The following TRIM16 variants were observed in gnomAD, a reference collection of about 807,000 sequenced individuals.
The protein encoded by TRIM16 is tripartite motif-containing protein 16.
A neutral mutation model predicts 50.4 loss-of-function variants in TRIM16; 33 were observed. The ratio of observed to expected loss-of-function variants is 0.65; its 90% CI spans 0.50 to 0.88. TRIM16 has a LOEUF of 0.88. Ranked by LOEUF, TRIM16 falls within the 40% of genes least tolerant of loss-of-function variation. TRIM16 has a pLI of 0.00. For synonymous variants in TRIM16, 229 were observed against 270.7 expected, an observed-to-expected ratio of 0.85 and a Z score of 1.51; for missense variants, 581 against 686.8, an observed-to-expected ratio of 0.85 and a Z score of 1.72.
chr17:15,637,100 C>T (rs1374088639), intron 8 of TRIM16, among the ~76,000 whole-genome samples: 2 of 141,836 alleles, frequency 1.4e-5, no homozygotes, highest in Non-Finnish European at 3.1e-5. Flanking sequence ...GCAGCCACCC[C>T]GTCCGGGAGG....
At chr17:15,648,286 G>A (rs1199213953) in intron 7 of TRIM16, among the ~76,000 whole-genome samples, 2 of 151,754 alleles carry the variant, frequency 1.3e-5, no homozygotes, top group Non-Finnish European at 2.9e-5. Flanking sequence ...AAGGGGCCTG[G>A]AGATGCTGGT....
At position 15,636,427 on chromosome 17, in the gene TRIM16, G is replaced by C. The variant is rs1453747464; in HGVS notation, c.616-158C>G. 1.3e-5 allele frequency among the ~76,000 whole-genome samples: 2 copies of C among 149,892 alleles called. 1 individual carries two copies. Among genetic ancestry groups the C allele is most frequent in the African/African-American group, 5.0e-5 (2 of 40,278 alleles). On this transcript the variant is annotated intron_variant, in intron 8 of 11. Coordinates refer to ENST00000649191, the MANE Select transcript of TRIM16 (RefSeq NM_001348119.1). ...ATCCTTTATTCTCATGTGAATTCCA[G>C]GTTCCTGGAAAAAGGATTTACGTAT...
At chr17:15,642,418 C>T (rs1987155659) in intron 8 of TRIM16, among the ~76,000 whole-genome samples, 1 of 148,560 alleles carries the variant, frequency 6.7e-6, no homozygotes, top group Admixed American at 6.7e-5. Flanking sequence ...ACTCCCAGCC[C>T]CCCACACACA....
At chr17:15,641,087 T>C (rs1342957330) in intron 8 of TRIM16, among the ~76,000 whole-genome samples, 1 of 148,286 alleles carries the variant, frequency 6.7e-6, no homozygotes, top group Non-Finnish European at 1.5e-5. Flanking sequence ...GAAAGGATAG[T>C]GGAAGGGAGG....
chr17:15,678,092 G>A (rs147829982), intron 4 of TRIM16, among the ~76,000 whole-genome samples: 1,625 of 152,018 alleles, frequency 0.011, 29 homozygotes, highest in African/African-American at 0.037. Flanking sequence ...GGTGGTGGGC[G>A]CCTGTAGTCC....
At chr17:15,674,653 G>A (rs1439282238) in intron 6 of TRIM16, among the ~76,000 whole-genome samples, 1 of 152,084 alleles carries the variant, frequency 6.6e-6, no homozygotes, top group Non-Finnish European at 1.5e-5. Context: ...CCATTCCCTA[G>A]CTACTTTAAA....
chr17:15,634,473 T>C (rs908722605), intron 9 of TRIM16, among the ~76,000 whole-genome samples: 12 of 147,604 alleles, frequency 8.1e-5, no homozygotes, highest in Admixed American at 4.0e-4. Context: ...CTACTAAAAA[T>C]ACAAAAAATT....
chr17:15,631,509 G>C lies in TRIM16; in HGVS notation c.1111+110C>G, dbSNP rs1261678356. ...TTAAGAAATGTATCATTTAGAGATA[G>C]ATATGAAGTTGCAAGAACCTGAAAC... On this transcript the variant is annotated intron_variant, in intron 11 of 11. Transcript: ENST00000649191. The C allele has an allele frequency of 1.3e-5, 13 of 963,364 alleles. No homozygotes were observed. In the East Asian group the frequency reaches 3.4e-4, roughly 25 times the overall value. The allele number at this position is 963,364 out of a possible 1,614,324, so 59.7% of individuals were successfully genotyped here. A position where few individuals can be genotyped will look rare whatever the true frequency, so the allele number is the denominator to read the frequency against.
chr17:15,653,337 G>A (rs113866145), intron 6 of TRIM16, among the ~76,000 whole-genome samples: 2,740 of 152,182 alleles, frequency 0.018, 72 homozygotes, highest in African/African-American at 0.062. Context: ...TTCTTTATAC[G>A]TTACCCCCAC....
chr17:15,646,969 CTTTT>C (rs145313229), intron 7 of TRIM16, among the ~76,000 whole-genome samples: 6 of 140,584 alleles, frequency 4.3e-5, no homozygotes, highest in Non-Finnish European at 6.3e-5. Context: ...GAAATAAATT[CTTTT>C]TTTTTTTTTT....
intron 7 of TRIM16, among the ~76,000 whole-genome samples, chr17:15,645,495 C>G (rs116528957): frequency 6.6e-6 from 1 of 151,974 alleles, no homozygotes; most frequent in Non-Finnish European, 1.5e-5. Flanking sequence ...TGTGCCAAGG[C>G]GCACTTAAGC....
chr17:15,672,218 G>A (rs1444126510), intron 6 of TRIM16, among the ~76,000 whole-genome samples: 1 of 151,408 alleles, frequency 6.6e-6, no homozygotes, highest in Non-Finnish European at 1.5e-5. Context: ...AGACACTCAT[G>A]ATTTAAAAAC....
chr17:15,649,887 C>A (rs1313023711), intron 7 of TRIM16, among the ~76,000 whole-genome samples: 1 of 152,180 alleles, frequency 6.6e-6, no homozygotes, highest in Non-Finnish European at 1.5e-5. Context: ...TGGCAATACT[C>A]AGTGAAGGCT....
Position 15,660,790 on chromosome 17 carries a change from T to C in TRIM16, c.-337-8844A>G, listed in dbSNP as rs534937322. ...GCAGGCGCCTGTAGTCCCAGCTACT[T>C]GGGAGGCTGAGGCAGGAGAATGGTG... On this transcript the variant is annotated intron_variant, in intron 6 of 11. Coordinates refer to ENST00000649191, the MANE Select transcript of TRIM16 (RefSeq NM_001348119.1). 3.8e-4 allele frequency among the ~76,000 whole-genome samples: 56 copies of C among 148,244 alleles called. 1 individual carries two copies. The highest frequency in any genetic ancestry group is 3.6e-3 in the Admixed American group (52 of 14,512).
At chr17:15,654,773 CT>C (rs1197941651) in intron 6 of TRIM16, among the ~76,000 whole-genome samples, 8 of 152,182 alleles carry the variant, frequency 5.3e-5, no homozygotes. Context: ...AGATCTCCCC[CT>C]GCCCCATAAA....
At position 15,628,825 on chromosome 17, in the gene TRIM16, G is replaced by A. The variant is rs368962289; in HGVS notation, c.1485C>T (p.Leu495=). The change falls in exon 12 of 12, where the codon CTC becomes CTT. Residue 495 remains leucine, a synonymous_variant. Transcript: ENST00000649191. ...CTCCCGGGAAGTCGATATAGACCCC[G>A]AGCCTCCGGAAAGGGCCAGCTTTGA... ...TPLKAGPFRR[L]GVYIDFPGGI... 168 of 1,614,146 alleles carry A rather than the reference G, an allele frequency of 1.0e-4. No homozygotes were observed. In the East Asian group the frequency reaches 3.2e-3, roughly 30 times the overall value.
In TRIM16 at chr17:15,682,935, C is replaced by T; in HGVS notation, c.-760G>A. 3 of 1,534,364 alleles carry T rather than the reference C, an allele frequency of 2.0e-6. No homozygotes were observed. Among genetic ancestry groups the T allele is most frequent in the Non-Finnish European group, 2.6e-6 (3 of 1,140,046 alleles). Reference sequence around the variant, plus strand: ...GCCCAAGTTCTCTGTGCTGCCCACACACATTTTACAAGGTTGCTGTAAAGA... The same window carrying T: ...GCCCAAGTTCTCTGTGCTGCCCACATACATTTTACAAGGTTGCTGTAAAGA... On this transcript the variant is annotated 5_prime_UTR_variant, in exon 3 of 12. The change creates a new upstream start codon in the 5' untranslated region. Coordinates refer to ENST00000649191, the MANE Select transcript of TRIM16 (RefSeq NM_001348119.1).
chr17:15,658,114 G>A (rs772087252), intron 6 of TRIM16, among the ~76,000 whole-genome samples: 3 of 152,212 alleles, frequency 2.0e-5, no homozygotes, highest in Non-Finnish European at 4.4e-5. Context: ...GCAATTGGCA[G>A]TAGGTAGGTA....
In TRIM16 at chr17:15,640,055, T is replaced by A. The variant is rs1354803298; in HGVS notation, c.615+2666A>T. ...AGGTACTATTAGGGTCTCCATTTCT[T>A]AGATAAGGAAACTAAGACAGTGATA... is the stretch of plus-strand genomic sequence containing the variant. On this transcript the variant is annotated intron_variant, in intron 8 of 11. Transcript: ENST00000649191. Among the ~76,000 whole-genome samples the A allele has an allele frequency of 1.3e-4, 19 of 149,332 alleles. 1 individual carries two copies. Among genetic ancestry groups the A allele is most frequent in the African/African-American group, 5.0e-5 (2 of 40,246 alleles).
Sources: gnomAD v4.1 joint callset for allele counts (sites outside exome capture counted in the v4.1 genomes callset) on GRCh38, gnomAD v4.1.1 for gene constraint, MANE v1.5 for transcripts, NCBI Gene and HGNC (gene_info 2026-07-23, HGNC 2026-07-21) for gene names.